The following PDE7B variants were observed in gnomAD, a reference collection of about 807,000 sequenced individuals.
PDE7B encodes the protein 3',5'-cyclic-AMP phosphodiesterase 7B.
Under a neutral mutation model 56.2 loss-of-function variants are expected in PDE7B, and 29 were observed. The ratio of observed to expected loss-of-function variants is 0.52; its 90% CI spans 0.38 to 0.70. The LOEUF is 0.70. PDE7B is among the 30% of genes least tolerant of loss of function. The pLI is 0.00. For missense variants in PDE7B, 490 were observed against 565.0 expected (o/e 0.87, Z 1.35); for synonymous variants, 197 against 196.9 (o/e 1.00, Z 0.00).
At chr6:136,116,501 A>G (rs138567794) in intron 3 of PDE7B, among the ~76,000 whole-genome samples, 91 of 152,366 alleles carry the variant, frequency 6.0e-4, no homozygotes, top group African/African-American at 1.9e-3. Flanking sequence ...GGCTGTAGAG[A>G]TGATAGTGTA....
At chr6:135,911,796 T>C (rs972674039) in intron 1 of PDE7B, among the ~76,000 whole-genome samples, 1 of 152,208 alleles carries the variant, frequency 6.6e-6, no homozygotes, top group Non-Finnish European at 1.5e-5. Flanking sequence ...ACTACAAGAC[T>C]TCAAAGAGCT....
chr6:136,131,959 G>A (rs1005813865), intron 3 of PDE7B, among the ~76,000 whole-genome samples: 3 of 151,958 alleles, frequency 2.0e-5, no homozygotes, highest in Non-Finnish European at 2.9e-5. Flanking sequence ...TTAAACACTC[G>A]TATTTATGAA....
chr6:135,896,049 G>A (rs1396906668), intron 1 of PDE7B, among the ~76,000 whole-genome samples: 1 of 152,124 alleles, frequency 6.6e-6, no homozygotes, highest in Non-Finnish European at 1.5e-5. Flanking sequence ...TATATTTTGT[G>A]TGACTAGCTG....
chr6:135,966,330 A>G (rs1225093491), intron 2 of PDE7B, among the ~76,000 whole-genome samples: 1 of 152,212 alleles, frequency 6.6e-6, no homozygotes, highest in Non-Finnish European at 1.5e-5. Flanking sequence ...CCTTTCTTAA[A>G]GAATAGCTTG....
At chr6:136,104,343 T>C (rs900236348) in intron 2 of PDE7B, among the ~76,000 whole-genome samples, 11 of 152,198 alleles carry the variant, frequency 7.2e-5, no homozygotes, top group Non-Finnish European at 1.5e-4. Flanking sequence ...TTGCTTAAGT[T>C]AAACAAGGAC....
intron 2 of PDE7B, among the ~76,000 whole-genome samples, chr6:136,031,880 C>T (rs1776253060): frequency 6.6e-6 from 1 of 152,264 alleles, no homozygotes; most frequent in South Asian, 2.1e-4. Flanking sequence ...AGAACCCTCA[C>T]TCAGGCATTT....
intron 2 of PDE7B, among the ~76,000 whole-genome samples, chr6:136,003,031 C>T (rs1485185569): frequency 6.6e-6 from 1 of 151,730 alleles, no homozygotes; most frequent in African/African-American, 2.4e-5. Flanking sequence ...CAAACTAGAA[C>T]TCAGGATTAA....
At chr6:135,905,274 A>T (rs1296945173) in intron 1 of PDE7B, among the ~76,000 whole-genome samples, 1 of 152,110 alleles carries the variant, frequency 6.6e-6, no homozygotes, top group East Asian at 1.9e-4. Context: ...ATTTTTTGGT[A>T]AAATAGTCCC....
At chr6:136,173,729 G>A (rs1355856556) in intron 8 of PDE7B, 68 bp from the exon 9 acceptor site, 1 of 1,023,776 alleles carries the variant, frequency 9.8e-7, no homozygotes, top group Non-Finnish European at 1.5e-6. Context: ...CCGTGGAGCT[G>A]TGTTCAGCAT....
intron 2 of PDE7B, chr6:136,098,141 G>C (rs1275893623): frequency 1.5e-5 from 2 of 136,040 alleles, no homozygotes; most frequent in African/African-American, 5.9e-5. Context: ...CCTGGGGGGG[G>C]GGGGGGAAAT....
At chr6:136,191,354 A>G (rs1779221412) in intron 12 of PDE7B, among the ~76,000 whole-genome samples, 1 of 152,164 alleles carries the variant, frequency 6.6e-6, no homozygotes, top group African/African-American at 2.4e-5. Flanking sequence ...TCACTGGTAC[A>G]CATCAAGGAA....
intron 2 of PDE7B, among the ~76,000 whole-genome samples, chr6:135,949,602 T>C (rs1350221453): frequency 6.6e-6 from 1 of 152,128 alleles, no homozygotes; most frequent in East Asian, 1.9e-4. Context: ...AATTAGATCA[T>C]TTATTCTAAG....
chr6:136,052,594 T>C (rs1469525345), intron 2 of PDE7B, among the ~76,000 whole-genome samples: 1 of 150,988 alleles, frequency 6.6e-6, no homozygotes, highest in East Asian at 2.0e-4. Context: ...TCAGTTCTTG[T>C]GGGTGTATAA....
chr6:136,161,267 C>CTG (rs781345347), intron 8 of PDE7B, among the ~76,000 whole-genome samples: 8 of 152,116 alleles, frequency 5.3e-5, no homozygotes, highest in Non-Finnish European at 5.9e-5. Context: ...CTCTTACTTC[C>CTG]CTTATCACAG....
rs1554265693 is a variant in PDE7B, at chr6:135,906,827, T to TTTTTTTTTTTTTTTTTTTTTTTG, written c.22-40628_22-40627insTTTTTTTTTTTTTGTTTTTTTTT. Among the ~76,000 whole-genome samples, 28 of 133,536 alleles carry TTTTTTTTTTTTTTTTTTTTTTTG rather than the reference T, an allele frequency of 2.1e-4. 1 individual carries two copies. Among genetic ancestry groups the TTTTTTTTTTTTTTTTTTTTTTTG allele is most frequent in the Non-Finnish European group, 4.2e-4 (26 of 61,230 alleles). 87.6% of individuals were successfully genotyped at this position (133,536 alleles called of 152,430 possible). Reference sequence around the variant, plus strand: ...TGAGGTTTGTTTTTTTTTTTTTTTTTTTTTTTTTTAATCCTCTAGGCTTTT... The same window carrying TTTTTTTTTTTTTTTTTTTTTTTG: ...TGAGGTTTGTTTTTTTTTTTTTTTTTTTTTTTTTTTTTTTTTTTTTTTGTTTTTTTTTAATCCTCTAGGCTTTT... On this transcript the variant is annotated intron_variant, in intron 1 of 12. Coordinates refer to ENST00000308191, the MANE Select transcript of PDE7B (RefSeq NM_018945.4).
chr6:136,009,371 G>C (rs1482734754), intron 2 of PDE7B, among the ~76,000 whole-genome samples: 1 of 152,098 alleles, frequency 6.6e-6, no homozygotes, highest in African/African-American at 2.4e-5. Context: ...ATTCTGTGAA[G>C]AAAGTCATTG....
At chr6:136,061,195 CAT>C (rs1199410453) in intron 2 of PDE7B, among the ~76,000 whole-genome samples, 4 of 151,940 alleles carry the variant, frequency 2.6e-5, no homozygotes, top group African/African-American at 7.2e-5. Context: ...AAAAGTTCTG[CAT>C]GTGTGTGTGT....
chr6:135,970,751 G>T (rs1775080703), intron 2 of PDE7B, among the ~76,000 whole-genome samples: 1 of 152,134 alleles, frequency 6.6e-6, no homozygotes, highest in Non-Finnish European at 1.5e-5. Flanking sequence ...GTGGGCACTG[G>T]GAAAGAACTA....
chr6:136,024,692 T>C (rs1183040698), intron 2 of PDE7B, among the ~76,000 whole-genome samples: 1 of 152,206 alleles, frequency 6.6e-6, no homozygotes, highest in East Asian at 1.9e-4. Context: ...CATTTCATCC[T>C]CTCAGTTGTC....
Sources: gnomAD v4.1 joint callset for allele counts (sites outside exome capture counted in the v4.1 genomes callset) on GRCh38, gnomAD v4.1.1 for gene constraint, MANE v1.5 for transcripts, NCBI Gene and HGNC (gene_info 2026-07-23, HGNC 2026-07-21) for gene names.